The following ZACN variants were observed in gnomAD, a reference collection of about 807,000 sequenced individuals.
ZACN encodes the protein zinc activated ion channel.
Under a neutral mutation model 38.9 loss-of-function variants are expected in ZACN, and 52 were observed. The ratio of observed to expected loss-of-function variants is 1.34; its 90% CI spans 1.07 to 1.68. The LOEUF is 1.68. Ranked by LOEUF, ZACN falls within the 40% of genes most tolerant of loss-of-function variation. The probability of loss-of-function intolerance (pLI) is 0.00; values close to 1 mark genes in which losing one functional copy is unlikely to be tolerated. For synonymous variants in ZACN, 235 were observed against 227.4 expected, an observed-to-expected ratio of 1.03 and a Z score of -0.30; for missense variants, 559 against 525.6, an observed-to-expected ratio of 1.06 and a Z score of -0.62.
chr17:76,079,725 C>T lies in ZACN; in HGVS notation c.246C>T (p.Ser82=), dbSNP rs1163354251. ...AGGACATCCTGCGATACACAATGTCCTCCATGCTGCTGCTTAGGCTGGTGA... is the reference window on the plus strand; with the variant it reads ...AGGACATCCTGCGATACACAATGTCTTCCATGCTGCTGCTTAGGCTGGTGA... ...FNVDILRYTM[S]SMLLLRLSWL... Residue 82 remains serine (S), a synonymous_variant, in exon 3 of 9, where the codon TCC becomes TCT. Coordinates refer to ENST00000334586, the MANE Select transcript of ZACN (RefSeq NM_180990.4). The T allele has an allele frequency of 1.9e-6, 3 of 1,613,554 alleles. No homozygotes were observed. Among genetic ancestry groups the T allele is most frequent in the South Asian group, 1.1e-5 (1 of 90,940 alleles).
intron 8 of ZACN, 103 bp downstream of exon 8, chr17:76,082,152 C>T: frequency 7.4e-7 from 1 of 1,355,248 alleles, no homozygotes; most frequent in South Asian, 1.4e-5. Context: ...TTGCATCCAC[C>T]CTGCTGGCTC....
chr17:76,081,512 C>T (rs143922990), intron 6 of ZACN, 33 bp from the exon 7 acceptor site: 4 of 1,611,166 alleles, frequency 2.5e-6, no homozygotes, highest in Non-Finnish European at 3.4e-6. Flanking sequence ...TCCTTCCCCC[C>T]CGCCGGGAAG....
rs745361753 is a variant in ZACN at position 76,080,519 on chromosome 17, G to A, written c.544+95G>A. 22 of 1,520,898 alleles carry A rather than the reference G, an allele frequency of 1.4e-5. No homozygotes were observed. The Admixed American group carries it at 1.5e-4, about 10-fold the overall frequency. The allele number at this position is 1,520,898 out of a possible 1,614,324, so 94.2% of individuals were successfully genotyped here. A position where few individuals can be genotyped will look rare whatever the true frequency, so the allele number is the denominator to read the frequency against. ...CTGTGGTGCAGGGGCAGGGTGCGGG[G>A]CAAGGGGAAGGGGCAAAGGCAGACA... On this transcript the variant is annotated intron_variant, in intron 5 of 8. Transcript: ENST00000334586.
chr17:76,079,732 C>A lies in ZACN; in HGVS notation c.253C>A (p.Leu85Met). 1.4e-5 allele frequency: 22 copies of A among 1,613,698 alleles called. No individual in the cohort carries two copies. Among genetic ancestry groups the A allele is most frequent in the Non-Finnish European group, 1.8e-5 (21 of 1,179,744 alleles). Residue 85 changes from leucine (L) to methionine (M), a missense_variant, in exon 3 of 9, where the codon CTG becomes ATG. By Grantham distance (15) the Leu-to-Met change is conservative. Coordinates refer to ENST00000334586, the MANE Select transcript of ZACN (RefSeq NM_180990.4). ...CCTGCGATACACAATGTCCTCCATG[C>A]TGCTGCTTAGGCTGGTGAGCTCCTA... Reference protein sequence around the residue: ...DILRYTMSSMLLLRLSWLDTR... With the variant: ...DILRYTMSSMMLLRLSWLDTR...
intron 8 of ZACN, 94 bp downstream of exon 8, chr17:76,082,143 T>G: frequency 7.2e-7 from 1 of 1,397,332 alleles, no homozygotes; most frequent in Non-Finnish European, 9.6e-7. Flanking sequence ...AGAGGCCCCT[T>G]GCATCCACCC....
Position 76,082,618 on chromosome 17 carries a change from G to A in ZACN, c.1204G>A (p.Glu402Lys), listed in dbSNP as rs779186841. 1.9e-5 allele frequency: 30 copies of A among 1,613,070 alleles called. No homozygotes were observed. In the East Asian group the frequency reaches 2.9e-4, roughly 16 times the overall value. Residue 402 changes from glutamate (E) to lysine (K), a missense_variant, in exon 9 of 9, where the codon GAG (glutamate) becomes AAG (lysine). By Grantham distance (56) the Glu-to-Lys change is moderately conservative. Transcript: ENST00000334586. ...AACKSDAAPG[E>K]AAPHGRRPRL ...GTGCAAGTCTGACGCAGCCCCTGGA[G>A]AGGCTGCACCCCATGGCAGGCGGCC... is the stretch of plus-strand genomic sequence containing the variant.
In ZACN at chr17:76,079,184, T is replaced by C; in HGVS notation, c.-81T>C. 1 of 1,401,652 alleles carries C rather than the reference T, an allele frequency of 7.1e-7. No homozygotes were observed. 86.8% of individuals were successfully genotyped at this position (1,401,652 alleles called of 1,614,324 possible). A position where few individuals can be genotyped will look rare whatever the true frequency, so the allele number is the denominator to read the frequency against. On this transcript the variant is annotated 5_prime_UTR_variant, in exon 1 of 9. Transcript: ENST00000334586. ...GCCCAGAGCAGCTGCCTCTGGCTAA[T>C]TGCTCAGCTGCCAGAGAAGTGACTG...
In ZACN at chr17:76,080,368, A is replaced by AC; in HGVS notation, c.489dup (p.Phe164LeufsTer43). The AC allele has an allele frequency of 6.2e-7, 1 of 1,613,604 alleles. No individual in the cohort carries two copies. The highest frequency in any genetic ancestry group is 8.5e-7 in the Non-Finnish European group (1 of 1,179,710). Reference sequence around the variant, plus strand: ...ACCAACTGCAACTTTGAGCTCCTCCACTTCCCCCGGGACCACAGCAACTGC... The same window carrying AC: ...ACCAACTGCAACTTTGAGCTCCTCCACCTTCCCCCGGGACCACAGCAACTGC... On this transcript the variant is annotated frameshift_variant, in exon 5 of 9. Coordinates refer to ENST00000334586, the MANE Select transcript of ZACN (RefSeq NM_180990.4). LOFTEE classifies it high-confidence loss of function.
In ZACN at chr17:76,079,370, A is replaced by T; in HGVS notation, c.97+9A>T. 3 of 1,613,994 alleles carry T rather than the reference A, an allele frequency of 1.9e-6. No homozygotes were observed. Among genetic ancestry groups the T allele is most frequent in the Non-Finnish European group, 2.5e-6 (3 of 1,179,876 alleles). On this transcript the variant is annotated intron_variant, in intron 1 of 8. Coordinates refer to ENST00000334586, the MANE Select transcript of ZACN (RefSeq NM_180990.4). ...CCAAGGGACAGCAGCCAGTAGGTGG[A>T]GGGCAAGGTCATAAGCTTTGGGACT...
rs751463301 is a variant in ZACN at position 76,081,935 on chromosome 17, G to A, written c.934G>A (p.Val312Met). 16 of 1,613,370 alleles carry A rather than the reference G, an allele frequency of 9.9e-6. No individual in the cohort carries two copies. In the Admixed American group the frequency reaches 1.0e-4, roughly 10 times the overall value. ...LLLFLSTIETVLLAGLLARGN... is the reference protein window; with the variant it reads ...LLLFLSTIETMLLAGLLARGN... ...GCTCTTCCTCAGCACCATAGAGACT[G>A]TGCTGCTGGCTGGGCTGCTGGCCCG... Residue 312 changes from valine to methionine, a missense_variant, in exon 8 of 9, where the codon GTG (valine) becomes ATG (methionine). Val to Met is a conservative substitution (Grantham distance 21). Transcript: ENST00000334586.
In ZACN at chr17:76,081,982, C is replaced by T. The variant is rs564705824; in HGVS notation, c.981C>T (p.Ser327=). 33 of 1,612,166 alleles carry T rather than the reference C, an allele frequency of 2.0e-5. No individual in the cohort carries two copies. The highest frequency in any genetic ancestry group is 3.3e-4 in the Middle Eastern group (2 of 6,054). The change falls in exon 8 of 9, where the codon AGC becomes AGT. Residue 327 remains serine (S), a synonymous_variant. Transcript: ENST00000334586. The stretch of plus-strand genomic sequence containing the variant: ...CCCGGGGCAACCTTGGGGCCAAGAG[C>T]GGCCCCAGCCCAGCCCCGAGAGGGG... ...LLARGNLGAK[S]GPSPAPRGEQ... is the part of the protein sequence containing the mutation.
At chr17:76,080,576 A>C in intron 5 of ZACN, 152 bp downstream of exon 5, 1 of 1,118,824 alleles carries the variant, frequency 8.9e-7, no homozygotes. Context: ...TGTTCAGAGC[A>C]GTCTACCCCA....
rs1434363748 is a variant in ZACN at position 76,082,456 on chromosome 17, C to T, written c.1049-7C>T. 6.3e-7 allele frequency: 1 copy of T among 1,596,350 alleles called. No homozygotes were observed. Among genetic ancestry groups the T allele is most frequent in the Non-Finnish European group, 8.5e-7 (1 of 1,170,946 alleles). On this transcript the variant is annotated splice_region_variant and splice_polypyrimidine_tract_variant and intron_variant, in intron 8 of 8. Transcript: ENST00000334586. ...AACAGCTCCTTTCCCTGTATCTCTCCCCACAGAGCCCTCCAGAGGAGTAAA... is the reference window on the plus strand; with the variant it reads ...AACAGCTCCTTTCCCTGTATCTCTCTCCACAGAGCCCTCCAGAGGAGTAAA...
chr17:76,081,121 T>C, intron 5 of ZACN, 157 bp from the exon 6 acceptor site: 6 of 1,002,272 alleles, frequency 6.0e-6, no homozygotes, highest in Non-Finnish European at 8.9e-6. Context: ...AAAACAAGGT[T>C]TGGGAAGCCC....
At chr17:76,079,625 T>C (rs2066919105) in intron 2 of ZACN, 62 bp downstream of exon 2, 11 of 1,612,408 alleles carry the variant, frequency 6.8e-6, no homozygotes, top group East Asian at 2.2e-5. Context: ...GACTCAGCCC[T>C]GGATAGTGCT....
chr17:76,082,262 C>T, intron 8 of ZACN: 2 of 770,462 alleles, frequency 2.6e-6, no homozygotes, highest in Non-Finnish European at 4.0e-6. Context: ...GACCTCAATC[C>T]CCTGATAACC....
At chr17:76,080,067 G>C in intron 4 of ZACN, 73 bp downstream of exon 4, 1 of 1,508,060 alleles carries the variant, frequency 6.6e-7, no homozygotes. Context: ...CAACCTAGAG[G>C]CTGTCTGAGT....
chr17:76,082,082 C>A (rs762538689), intron 8 of ZACN, 33 bp downstream of exon 8: 1 of 1,566,750 alleles, frequency 6.4e-7, no homozygotes, highest in Non-Finnish European at 8.6e-7. Context: ...GGAATGAGGC[C>A]TAGGTGCACA....
In ZACN at chr17:76,082,449, A is replaced by C. The variant is rs758626371; in HGVS notation, c.1049-14A>C. 6.3e-7 allele frequency: 1 copy of C among 1,589,794 alleles called. No individual in the cohort carries two copies. Among genetic ancestry groups the C allele is most frequent in the East Asian group, 2.2e-5 (1 of 44,446 alleles). ...CTTGAAGAACAGCTCCTTTCCCTGT[A>C]TCTCTCCCCACAGAGCCCTCCAGAG... On this transcript the variant is annotated splice_polypyrimidine_tract_variant and intron_variant, in intron 8 of 8. Transcript: ENST00000334586.
Sources: gnomAD v4.1 joint callset for allele counts on GRCh38, gnomAD v4.1.1 for gene constraint, MANE v1.5 for transcripts, NCBI Gene and HGNC (gene_info 2026-07-23, HGNC 2026-07-21) for gene names.